SAG: variants seen among roughly 807,000 people sequenced by gnomAD.
SAG encodes S-antigen visual arrestin.
In SAG, 45 loss-of-function variants were observed where a neutral mutation model predicts 55.0. The ratio of observed to expected loss-of-function variants is 0.82; its 90% CI spans 0.64 to 1.05. The LOEUF is 1.05. Among genes scored for constraint, SAG ranks in the 50% least tolerant of loss-of-function variants. The pLI, the probability that SAG is intolerant of heterozygous loss-of-function variation, is 0.00. For missense variants in SAG, 455 were observed against 512.1 expected, an observed-to-expected ratio of 0.89 and a Z score of 1.08; for synonymous variants, 189 against 197.4, an observed-to-expected ratio of 0.96 and a Z score of 0.36.
intron 6 of SAG, among the ~76,000 whole-genome samples, chr2:233,326,423 A>G (rs573534909): frequency 2.0e-5 from 3 of 152,088 alleles, no homozygotes; most frequent in African/African-American, 7.2e-5. Context: ...CAACTCTACT[A>G]AAAATACAAA....
rs1255716967 is a variant in SAG, at chr2:233,320,832, C to T, written c.375+9C>T. On this transcript the variant is annotated intron_variant, in intron 5 of 15. Transcript: ENST00000409110. Reference sequence around the variant, plus strand: ...ACCCCTTTCTCCTGACGGTGGGTGACTCCTCCGGCCAGCCCTGCTTCCTTC... The same window carrying T: ...ACCCCTTTCTCCTGACGGTGGGTGATTCCTCCGGCCAGCCCTGCTTCCTTC... 2 of 1,574,452 alleles carry T rather than the reference C, an allele frequency of 1.3e-6. No homozygotes were observed. Among genetic ancestry groups the T allele is most frequent in the Non-Finnish European group, 1.7e-6 (2 of 1,160,150 alleles).
intron 9 of SAG, among the ~76,000 whole-genome samples, chr2:233,330,049 A>T (rs1389211418): frequency 6.6e-6 from 1 of 152,106 alleles, no homozygotes. Flanking sequence ...TCTCGGCTCA[A>T]ATGGCCATCA....
At chr2:233,317,220 G>A (rs1700238130) in intron 3 of SAG, among the ~76,000 whole-genome samples, 1 of 152,188 alleles carries the variant, frequency 6.6e-6, no homozygotes, top group Non-Finnish European at 1.5e-5. Flanking sequence ...TGCATCCCGG[G>A]CACTTATCTC....
intron 5 of SAG, among the ~76,000 whole-genome samples, chr2:233,322,073 G>A (rs1375663106): frequency 1.3e-5 from 2 of 149,016 alleles, no homozygotes; most frequent in Non-Finnish European, 3.0e-5. Flanking sequence ...TATAGTTCCA[G>A]CTACTTGAGA....
At chr2:233,338,873 G>A (rs1205482795) in intron 12 of SAG, 120 bp downstream of exon 12, 1 of 821,776 alleles carries the variant, frequency 1.2e-6, no homozygotes, top group African/African-American at 1.7e-5. Flanking sequence ...TTCTACCAAG[G>A]ATTACCAAGT....
chr2:233,328,672 C>T, intron 8 of SAG, 59 bp downstream of exon 8: 1 of 1,526,094 alleles, frequency 6.6e-7, no homozygotes, highest in East Asian at 2.3e-5. Flanking sequence ...AGGCCCCACA[C>T]CCCTCTCTTC....
In SAG at chr2:233,336,513, C is replaced by T. The variant is rs564202077; in HGVS notation, c.944+1414C>T. Among the ~76,000 whole-genome samples the T allele has an allele frequency of 5.6e-5, 8 of 143,426 alleles. No individual in the cohort carries two copies. In the South Asian group the frequency reaches 1.7e-3, roughly 31 times the overall value. The allele number at this position is 143,426 out of a possible 152,430, so 94.1% of individuals were successfully genotyped here. A position where few individuals can be genotyped will look rare whatever the true frequency, so the allele number is the denominator to read the frequency against. Reference sequence around the variant, plus strand: ...CTGGTGACAGAGCAAGACTCCATCTCAGAAAAAAAAAAAAACCAACCAACA... The same window carrying T: ...CTGGTGACAGAGCAAGACTCCATCTTAGAAAAAAAAAAAAACCAACCAACA... On this transcript the variant is annotated intron_variant, in intron 11 of 15. Coordinates refer to ENST00000409110, the MANE Select transcript of SAG (RefSeq NM_000541.5).
In SAG at chr2:233,339,345, AT is replaced by A. The variant is rs546968648; in HGVS notation, c.1022+594del. On this transcript the variant is annotated intron_variant, in intron 12 of 15. Transcript: ENST00000409110. ...AATTCTCATTTTCGTTTCAAATTCC[AT>A]TGCCAAAGGCTCTGGCCTTTTACCT... Among the ~76,000 whole-genome samples, 3 of 152,304 alleles carry A rather than the reference AT, an allele frequency of 2.0e-5. No homozygotes were observed. In the East Asian group the frequency reaches 5.8e-4, roughly 29 times the overall value.
chr2:233,320,524 C>G, intron 4 of SAG, 106 bp from the exon 5 acceptor site: 1 of 827,412 alleles, frequency 1.2e-6, no homozygotes, highest in Non-Finnish European at 1.8e-6. Context: ...CCCCTATCCC[C>G]TCCAGATGCT....
chr2:233,343,597 G>T (rs1701170331), intron 14 of SAG: 2 of 990,686 alleles, frequency 2.0e-6, no homozygotes, highest in African/African-American at 1.7e-5. Context: ...TATGATATAT[G>T]AATTTGATCT....
At chr2:233,322,143 G>A (rs977227455) in intron 5 of SAG, among the ~76,000 whole-genome samples, 2 of 134,132 alleles carry the variant, frequency 1.5e-5, no homozygotes, top group African/African-American at 2.9e-5. Flanking sequence ...GCTAGATCGC[G>A]CCACTGCACT....
rs569772901 is a variant in SAG at position 233,319,020 on chromosome 2, C to A, written c.181+225C>A. 2.8e-6 allele frequency: 2 copies of A among 702,854 alleles called. No homozygotes were observed. The highest frequency in any genetic ancestry group is 3.5e-5 in the African/African-American group (2 of 56,854). 43.5% of individuals were successfully genotyped at this position (702,854 alleles called of 1,614,324 possible). Reference sequence around the variant, plus strand: ...TCACTCGCTCAGCAAAGTCATTGTCCAGGGTGGCAGATAAGTAGATGGTAG... The same window carrying A: ...TCACTCGCTCAGCAAAGTCATTGTCAAGGGTGGCAGATAAGTAGATGGTAG... On this transcript the variant is annotated intron_variant, in intron 4 of 15. Coordinates refer to ENST00000409110, the MANE Select transcript of SAG (RefSeq NM_000541.5). The surrounding 1 kb of genome is among the most constrained non-coding windows in gnomAD (Gnocchi z 4.4).
chr2:233,329,672 C>T, intron 9 of SAG, 95 bp downstream of exon 9: 1 of 829,610 alleles, frequency 1.2e-6, no homozygotes, highest in Admixed American at 2.2e-5. Context: ...TAAGGCCCTT[C>T]TGGGTCCTTG....
intron 2 of SAG, among the ~76,000 whole-genome samples, chr2:233,315,203 CT>C (rs201705239): frequency 0.016 from 2,451 of 150,668 alleles, 73 homozygotes; most frequent in African/African-American, 0.055. Flanking sequence ...GGCTTTAGGT[CT>C]ACCTGTGCAG....
At position 233,334,981 on chromosome 2, in the gene SAG, A is replaced by G. The variant is rs746492090; in HGVS notation, c.826A>G (p.Ser276Gly). The G allele has an allele frequency of 1.2e-6, 2 of 1,614,020 alleles. No homozygotes were observed. The highest frequency in any genetic ancestry group is 1.7e-6 in the Non-Finnish European group (2 of 1,179,864). The change falls in exon 11 of 16, where the codon AGC becomes GGC. Residue 276 changes from serine (S) to glycine (G), a missense_variant. Ser to Gly is a moderately conservative substitution (Grantham distance 56). Transcript: ENST00000409110. ...EEAQEKVPPN[S>G]TLTKTLTLLP... ...CTCTAGAGAAAAAGTGCCACCAAACAGCACTTTGACCAAGACGCTGACGCT... is the reference window on the plus strand; with the variant it reads ...CTCTAGAGAAAAAGTGCCACCAAACGGCACTTTGACCAAGACGCTGACGCT...
intron 14 of SAG, chr2:233,342,600 T>C (rs1387988158): frequency 8.8e-6 from 4 of 456,252 alleles, no homozygotes; most frequent in Non-Finnish European, 7.9e-6. Context: ...TTATCATGAA[T>C]GATTTAAGAG....
At chr2:233,329,634 T>G in intron 9 of SAG, 57 bp downstream of exon 9, 15 of 1,221,392 alleles carry the variant, frequency 1.2e-5, no homozygotes, top group Non-Finnish European at 1.8e-5. Flanking sequence ...CTGATCCTGT[T>G]TCCTGAGAGG....
intron 3 of SAG, among the ~76,000 whole-genome samples, 194 bp from the exon 4 acceptor site, chr2:233,318,557 A>C (rs1700281602): frequency 6.6e-6 from 1 of 152,234 alleles, no homozygotes; most frequent in African/African-American, 2.4e-5. Flanking sequence ...AAAAATCTGC[A>C]CCAAGATCTT....
intron 6 of SAG, among the ~76,000 whole-genome samples, chr2:233,324,654 T>C (rs1700490576): frequency 1.3e-5 from 2 of 151,920 alleles, no homozygotes; most frequent in African/African-American, 4.8e-5. Flanking sequence ...GTGAGTCAGG[T>C]GGACGGGGCT....
Sources: gnomAD v4.1 joint callset for allele counts (sites outside exome capture counted in the v4.1 genomes callset) on GRCh38, gnomAD v4.1.1 for gene constraint, Gnocchi (gnomAD v3.1) non-coding constraint, MANE v1.5 for transcripts, NCBI Gene and HGNC (gene_info 2026-07-23, HGNC 2026-07-21) for gene names.